Variants in TENM2 observed in about 807,000 individuals in gnomAD.
The protein encoded by TENM2 is teneurin-2.
TENM2 carries 52 observed loss-of-function variants against 245.2 expected under a neutral mutation model. The ratio of observed to expected loss-of-function variants is 0.21; its 90% confidence interval spans 0.17 to 0.27. The LOEUF is 0.27. Among genes scored for constraint, TENM2 ranks in the 10% least tolerant of loss-of-function variants. TENM2 has a pLI of 1.00. For synonymous variants in TENM2, 1,363 were observed against 1,438.9 expected, an observed-to-expected ratio of 0.95 and a Z score of 1.19; for missense variants, 3,046 against 3,666.8, an observed-to-expected ratio of 0.83 and a Z score of 4.37.
At chr5:167,893,933 T>A (rs935528434) in intron 3 of TENM2, among the ~76,000 whole-genome samples, 1 of 152,216 alleles carries the variant, frequency 6.6e-6, no homozygotes, top group African/African-American at 2.4e-5. Flanking sequence ...TTTTATGTAG[T>A]CAGTAATAAA....
At chr5:167,157,029 A>G in the TENM2 span, among the ~76,000 whole-genome samples, 2 of 152,174 alleles carry the variant, frequency 1.3e-5, no homozygotes, top group African/African-American at 2.4e-5. Context: ...ATTTATTTTC[A>G]TGCAGGTGTG....
In TENM2 at chr5:167,404,671, A is replaced by T. The variant is rs1762532580; in HGVS notation, c.502+29198A>T. On this transcript the variant is annotated intron_variant, in intron 2 of 28. Coordinates refer to ENST00000518659, the Ensembl canonical transcript of TENM2. ...CATATCATTGAAATCTACAGTGGAG[A>T]TCTACAATGACCCTCTCCATGCGTG... is the stretch of plus-strand genomic sequence containing the variant. Among the ~76,000 whole-genome samples, 5 of 152,096 alleles carry T rather than the reference A, an allele frequency of 3.3e-5. No homozygotes were observed. The South Asian group carries it at 1.0e-3, about 32-fold the overall frequency.
chr5:168,110,800 A>C (rs773522486), intron 9 of TENM2, among the ~76,000 whole-genome samples: 1 of 151,500 alleles, frequency 6.6e-6, no homozygotes, highest in Non-Finnish European at 1.5e-5. Flanking sequence ...ACACACATAC[A>C]CACACAAAAA....
At chr5:168,130,396 T>C (rs1026792703) in intron 12 of TENM2, 12 of 152,214 alleles carry the variant, frequency 7.9e-5, no homozygotes, top group African/African-American at 2.9e-4. Flanking sequence ...ATTGTGTAGA[T>C]AAAAAATATA....
At chr5:167,102,332 GATA>G in the TENM2 span, among the ~76,000 whole-genome samples, 1 of 152,114 alleles carries the variant, frequency 6.6e-6, no homozygotes, top group Non-Finnish European at 1.5e-5. Context: ...TAATACGTCT[GATA>G]ATAATAATAA....
intron 2 of TENM2, among the ~76,000 whole-genome samples, chr5:167,531,198 T>C (rs1291603602): frequency 1.3e-5 from 2 of 152,206 alleles, no homozygotes; most frequent in African/African-American, 4.8e-5. Flanking sequence ...CGGATTGTTG[T>C]TTCTGTATGT....
At position 168,156,269 on chromosome 5, in the gene TENM2, CT is replaced by C. The variant is rs1270428470; in HGVS notation, c.2423-6331del. ...AGTTAAAAAAAAAAAAAAAAAAACA[CT>C]TTTTTTTTTTCACCTCAGTTTAACT... On this transcript the variant is annotated intron_variant, in intron 12 of 28. Coordinates refer to ENST00000518659, the Ensembl canonical transcript of TENM2. 5.9e-3 allele frequency among the ~76,000 whole-genome samples: 202 copies of C among 34,148 alleles called. 1 individual carries two copies. Among genetic ancestry groups the C allele is most frequent in the African/African-American group, 0.015 (102 of 6,856 alleles). 22.4% of individuals were successfully genotyped at this position (34,148 alleles called of 152,430 possible). A position where few individuals can be genotyped will look rare whatever the true frequency, so the allele number is the denominator to read the frequency against.
the TENM2 span, among the ~76,000 whole-genome samples, chr5:167,224,723 A>G: frequency 6.6e-6 from 1 of 151,730 alleles, no homozygotes; most frequent in Non-Finnish European, 1.5e-5. Context: ...TTTCTGTGAA[A>G]ATTTTTCTGT....
At chr5:167,702,887 A>G (rs1367365941) in intron 2 of TENM2, among the ~76,000 whole-genome samples, 1 of 149,036 alleles carries the variant, frequency 6.7e-6, no homozygotes, top group Non-Finnish European at 1.5e-5. Context: ...CTGGTCTCAA[A>G]CTCCTGACCC....
chr5:167,232,049 T>C, the TENM2 span, among the ~76,000 whole-genome samples: 1 of 152,200 alleles, frequency 6.6e-6, no homozygotes, highest in Non-Finnish European at 1.5e-5. Flanking sequence ...AAGTCAGTAA[T>C]TGAGGTTTGG....
intron 2 of TENM2, among the ~76,000 whole-genome samples, chr5:167,447,622 A>G (rs1347713524): frequency 6.6e-6 from 1 of 152,170 alleles, no homozygotes; most frequent in African/African-American, 2.4e-5. Flanking sequence ...CCTGAAGAGT[A>G]ACACCTGACC....
intron 2 of TENM2, among the ~76,000 whole-genome samples, chr5:167,426,816 G>GA (rs1042804084): frequency 3.1e-4 from 47 of 150,898 alleles, no homozygotes; most frequent in African/African-American, 1.0e-3. Context: ...AATTCTAGAA[G>GA]AAAAAAAAAT....
intron 2 of TENM2, among the ~76,000 whole-genome samples, chr5:167,431,940 CATATAT>C (rs1189670905): frequency 1.5e-5 from 1 of 65,856 alleles, no homozygotes; most frequent in East Asian, 2.4e-4. Context: ...TATATATATA[CATATAT>C]ATGTATATAT....
chr5:168,098,361 A>T (rs535260496), intron 9 of TENM2, among the ~76,000 whole-genome samples: 30 of 152,348 alleles, frequency 2.0e-4, no homozygotes, highest in Non-Finnish European at 3.4e-4. Context: ...AGGTGTGCTG[A>T]GAAGAAAGAT....
intron 2 of TENM2, among the ~76,000 whole-genome samples, chr5:167,567,320 G>A (rs964525461): frequency 1.3e-5 from 2 of 152,132 alleles, no homozygotes; most frequent in African/African-American, 4.8e-5. Flanking sequence ...CATTATGAGG[G>A]TGAAAAATCT....
chr5:167,217,562 T>C, the TENM2 span, among the ~76,000 whole-genome samples: 11 of 152,024 alleles, frequency 7.2e-5, no homozygotes, highest in African/African-American at 2.7e-4. Flanking sequence ...ATTCATAAGC[T>C]GCAGGCACCT....
chr5:167,186,576 G>A, the TENM2 span, among the ~76,000 whole-genome samples: 1 of 152,164 alleles, frequency 6.6e-6, no homozygotes, highest in African/African-American at 2.4e-5. Flanking sequence ...GACCAAATTT[G>A]GAAACAACCC....
chr5:166,987,725 T>C, the TENM2 span, among the ~76,000 whole-genome samples: 1 of 152,070 alleles, frequency 6.6e-6, no homozygotes, highest in Admixed American at 6.6e-5. Flanking sequence ...ATTTAACCAG[T>C]GAATAGATAA....
chr5:167,925,173 A>G (rs958490691), intron 3 of TENM2, among the ~76,000 whole-genome samples: 7 of 152,220 alleles, frequency 4.6e-5, no homozygotes, highest in African/African-American at 1.4e-4. Flanking sequence ...AGCATCATAC[A>G]ATAGAATACT....
Sources: allele counts gnomAD v4.1 joint callset (sites outside exome capture counted in the v4.1 genomes callset), GRCh38; gene constraint gnomAD v4.1.1; transcripts MANE v1.5; gene names NCBI Gene and HGNC (gene_info 2026-07-23, HGNC 2026-07-21).